Variants in NELL1 observed in about 807,000 individuals in gnomAD.
NELL1 encodes the protein protein kinase C-binding protein NELL1.
A neutral mutation model predicts 107.4 loss-of-function variants in NELL1; 76 were observed. The ratio of observed to expected loss-of-function variants is 0.71; its 90% CI spans 0.59 to 0.86. The LOEUF (loss-of-function observed/expected upper bound fraction) is 0.86, where lower values mean the gene tolerates loss of function less well. NELL1 is among the 40% of genes least tolerant of loss of function. The pLI is 0.00. For synonymous variants in NELL1, 353 were observed against 341.2 expected, an observed-to-expected ratio of 1.03 and a Z score of -0.38; for missense variants, 1,024 against 1,005.5, an observed-to-expected ratio of 1.02 and a Z score of -0.25.
At position 21,573,257 on chromosome 11, in the gene NELL1, G is replaced by A. The variant is rs1472354247; in HGVS notation, c.2230G>A (p.Glu744Lys). The change falls in exon 19 of 20, where the codon GAA becomes AAA. Residue 744 changes from glutamate (E) to lysine (K), a missense_variant. Physicochemically the swap from Glu to Lys is moderately conservative, Grantham distance 56. Coordinates refer to ENST00000357134, the MANE Select transcript of NELL1 (RefSeq NM_006157.5). ...TGAGTATACAGCTATCTTAGAAGGG[G>A]AATGTTGTCCCCGCTGTGTCAGTGA... ...SCEYTAILEG[E>K]CCPRCVSDPC... 1 of 1,612,332 alleles carries A rather than the reference G, an allele frequency of 6.2e-7. No individual in the cohort carries two copies. Among genetic ancestry groups the A allele is most frequent in the Non-Finnish European group, 8.5e-7 (1 of 1,179,054 alleles).
At position 20,780,372 on chromosome 11, in the gene NELL1, A is replaced by AT. The variant is rs576323374; in HGVS notation, c.185-3308_185-3307insT. Among the ~76,000 whole-genome samples the AT allele has an allele frequency of 7.7e-3, 1,168 of 152,292 alleles. 20 individuals carry two copies. The highest frequency in any genetic ancestry group is 5.2e-3 in the Non-Finnish European group (353 of 68,020). On this transcript the variant is annotated intron_variant, in intron 2 of 19. Transcript: ENST00000357134. ...CTCCTGGTTTTCCAAAAGATATATT[A>AT]CTTTCTGACTATAATATATATGGTT...
chr11:21,184,728 T>C (rs974764818), intron 13 of NELL1, among the ~76,000 whole-genome samples: 11 of 39,108 alleles, frequency 2.8e-4, no homozygotes, highest in African/African-American at 4.5e-4. Context: ...ATAAAATGAA[T>C]GTCCTCTGTT....
chr11:21,417,817 G>A (rs902309337), intron 15 of NELL1, among the ~76,000 whole-genome samples: 1 of 151,888 alleles, frequency 6.6e-6, no homozygotes, highest in African/African-American at 2.4e-5. Context: ...CTCCCTATTA[G>A]TCGCACCTCA....
chr11:21,387,541 C>T (rs776996123), intron 15 of NELL1, among the ~76,000 whole-genome samples: 3 of 151,804 alleles, frequency 2.0e-5, no homozygotes, highest in Non-Finnish European at 2.9e-5. Context: ...TAAGGTAGTA[C>T]GGACAAGATT....
chr11:21,488,706 T>A (rs1435989739), intron 15 of NELL1, among the ~76,000 whole-genome samples: 1 of 151,904 alleles, frequency 6.6e-6, no homozygotes, highest in Non-Finnish European at 1.5e-5. Flanking sequence ...AATGAAGAAA[T>A]TAAGATGGAA....
chr11:20,890,572 G>A (rs1389323664), intron 5 of NELL1, among the ~76,000 whole-genome samples: 4 of 152,028 alleles, frequency 2.6e-5, no homozygotes, highest in Non-Finnish European at 2.9e-5. Context: ...CTGAGTTAAA[G>A]GAGCATGTTC....
chr11:21,551,250 A>G (rs1462423411), intron 16 of NELL1, among the ~76,000 whole-genome samples: 2 of 152,054 alleles, frequency 1.3e-5, no homozygotes, highest in Non-Finnish European at 2.9e-5. Flanking sequence ...GACTGAGACC[A>G]TAGGGTTTTC....
At chr11:21,254,483 C>T (rs1454006) in intron 14 of NELL1, among the ~76,000 whole-genome samples, 1,614 of 151,780 alleles carry the variant, frequency 0.011, 29 homozygotes, top group African/African-American at 0.036. Flanking sequence ...TCAATTTATA[C>T]GAAAAAAAGA....
At chr11:20,948,371 G>T (rs1851006242) in intron 11 of NELL1, among the ~76,000 whole-genome samples, 1 of 151,718 alleles carries the variant, frequency 6.6e-6, no homozygotes. Context: ...TTTTTCAATT[G>T]TTATATAATA....
intron 17 of NELL1, 34 bp from the exon 18 acceptor site, chr11:21,570,730 A>G (rs764103146): frequency 6.3e-7 from 1 of 1,599,538 alleles, no homozygotes; most frequent in South Asian, 1.1e-5. Flanking sequence ...CATGTCCTAA[A>G]TGATGAAACC....
intron 14 of NELL1, among the ~76,000 whole-genome samples, chr11:21,246,131 C>T (rs191734717): frequency 6.6e-5 from 10 of 152,118 alleles, no homozygotes; most frequent in Admixed American, 5.9e-4. Context: ...ATATATTGAG[C>T]GTCTATATGT....
At chr11:21,115,287 C>A (rs1238671773) in intron 13 of NELL1, among the ~76,000 whole-genome samples, 1 of 151,806 alleles carries the variant, frequency 6.6e-6, no homozygotes, top group Non-Finnish European at 1.5e-5. Context: ...CCTTCTCCCC[C>A]CTACACAGGA....
intron 12 of NELL1, among the ~76,000 whole-genome samples, chr11:21,042,422 A>G (rs1413779786): frequency 6.6e-6 from 1 of 152,206 alleles, no homozygotes; most frequent in Non-Finnish European, 1.5e-5. Context: ...ATAAGGTTTG[A>G]GAGGCAACAG....
intron 15 of NELL1, among the ~76,000 whole-genome samples, chr11:21,382,457 A>G (rs886995692): frequency 1.3e-5 from 2 of 152,000 alleles, no homozygotes; most frequent in Non-Finnish European, 2.9e-5. Flanking sequence ...ATAAATGAAT[A>G]AGTATAGACA....
intron 12 of NELL1, among the ~76,000 whole-genome samples, chr11:20,963,651 A>G (rs115117833): frequency 0.01 from 1,542 of 152,152 alleles, 21 homozygotes; most frequent in African/African-American, 0.035. Flanking sequence ...AGATGGCCAA[A>G]TGCCCTCCTA....
rs1016765335 is a variant in NELL1 at position 20,960,693 on chromosome 11, G to C, written c.1300+133G>C. 5.0e-6 allele frequency: 5 copies of C among 1,009,956 alleles called. No homozygotes were observed. In the African/African-American group the frequency reaches 8.0e-5, roughly 16 times the overall value. 62.6% of individuals were successfully genotyped at this position (1,009,956 alleles called of 1,614,324 possible). On this transcript the variant is annotated intron_variant, in intron 12 of 19. Transcript: ENST00000357134. ...AATCCTATAAGAAATCATATCAATTGCTGAGGGTTCTCTGTTCTCCTGGTT... is the reference window on the plus strand; with the variant it reads ...AATCCTATAAGAAATCATATCAATTCCTGAGGGTTCTCTGTTCTCCTGGTT...
At position 20,970,450 on chromosome 11, in the gene NELL1, G is replaced by A. The variant is rs141541749; in HGVS notation, c.1300+9890G>A. Among the ~76,000 whole-genome samples the A allele has an allele frequency of 2.6e-5, 4 of 152,272 alleles. No homozygotes were observed. In the East Asian group the frequency reaches 7.7e-4, roughly 29 times the overall value. On this transcript the variant is annotated intron_variant, in intron 12 of 19. Coordinates refer to ENST00000357134, the MANE Select transcript of NELL1 (RefSeq NM_006157.5). Reference sequence around the variant, plus strand: ...GCTTAACAGTTTAAAAGGGGGAAAAGAGCCTTGTATCAGATAAGAAAATTA... The same window carrying A: ...GCTTAACAGTTTAAAAGGGGGAAAAAAGCCTTGTATCAGATAAGAAAATTA...
At chr11:21,521,687 G>T (rs1381118905) in intron 15 of NELL1, among the ~76,000 whole-genome samples, 2 of 152,016 alleles carry the variant, frequency 1.3e-5, no homozygotes, top group Non-Finnish European at 1.5e-5. Flanking sequence ...TAGTTCTAGT[G>T]TTTTTCATAG....
chr11:21,307,773 G>A (rs1465779493), intron 14 of NELL1, among the ~76,000 whole-genome samples: 1 of 151,896 alleles, frequency 6.6e-6, no homozygotes, highest in Non-Finnish European at 1.5e-5. Flanking sequence ...TTTCAAAAGA[G>A]AGGCCTATAT....
Sources: gnomAD v4.1 joint callset for allele counts (sites outside exome capture counted in the v4.1 genomes callset) on GRCh38, gnomAD v4.1.1 for gene constraint, MANE v1.5 for transcripts, NCBI Gene and HGNC (gene_info 2026-07-23, HGNC 2026-07-21) for gene names.